The following SCN1A variants were observed in gnomAD, a reference collection of about 807,000 sequenced individuals.
The protein encoded by SCN1A is sodium channel protein type 1 subunit alpha.
A neutral mutation model predicts 193.7 loss-of-function variants in SCN1A; 13 were observed. That is an observed-to-expected ratio of 0.07 (90% CI 0.04 to 0.11). SCN1A has a LOEUF of 0.11. Ranked by LOEUF, SCN1A falls within the 10% of genes least tolerant of loss-of-function variation. SCN1A has a pLI of 1.00. For synonymous variants in SCN1A, 781 were observed against 843.6 expected, an observed-to-expected ratio of 0.93 and a Z score of 1.29; for missense variants, 1,432 against 2,451.1, an observed-to-expected ratio of 0.58 and a Z score of 8.78.
intron 2 of SCN1A, among the ~76,000 whole-genome samples, chr2:166,125,942 AG>A (rs1482179965): frequency 1.3e-5 from 2 of 152,220 alleles, no homozygotes; most frequent in African/African-American, 4.8e-5. Flanking sequence ...TATTGTTACC[AG>A]TATGAACACT....
At position 165,986,347 on chromosome 2, in the gene SCN1A, C is replaced by T. The variant is rs1460080082; in HGVS notation, c.*4898G>A. On this transcript the variant is annotated 3_prime_UTR_variant, in exon 29 of 29. Coordinates refer to ENST00000674923, the MANE Select transcript of SCN1A (RefSeq NM_001165963.4). ...CTGTGTTTGGAATTACTATTTATAC[C>T]CACAGTGTCTGGTCCCCAGCTTAAA... is the stretch of plus-strand genomic sequence containing the variant. 6.6e-6 allele frequency: 1 copy of T among 151,930 alleles called. No individual in the cohort carries two copies. Among genetic ancestry groups the T allele is most frequent in the Non-Finnish European group, 1.5e-5 (1 of 67,982 alleles). 9.4% of individuals were successfully genotyped at this position (151,930 alleles called of 1,614,324 possible).
At chr2:166,038,239 A>C in intron 17 of SCN1A, 107 bp from the exon 18 acceptor site, 1 of 904,418 alleles carries the variant, frequency 1.1e-6, no homozygotes, top group Non-Finnish European at 1.7e-6. Context: ...ACAATATCTG[A>C]TCTGCCCTAA....
intron 2 of SCN1A, among the ~76,000 whole-genome samples, chr2:166,115,436 G>A (rs1410752099): frequency 2.0e-5 from 3 of 152,066 alleles, no homozygotes; most frequent in East Asian, 1.9e-4. Context: ...CACTGAATAA[G>A]TAAAAACAGC....
At chr2:166,106,117 G>C (rs1688663928) in intron 2 of SCN1A, among the ~76,000 whole-genome samples, 1 of 152,234 alleles carries the variant, frequency 6.6e-6, no homozygotes, top group South Asian at 2.1e-4. Flanking sequence ...AACCTGGAAA[G>C]CGGAGCTTGC....
intron 2 of SCN1A, chr2:166,123,729 A>T (rs575210257): frequency 6.6e-6 from 1 of 152,282 alleles, no homozygotes; most frequent in East Asian, 1.9e-4. Context: ...AAACCTAATA[A>T]CTTGTTAACA....
At chr2:166,024,426 G>A (rs372788206) in intron 19 of SCN1A, among the ~76,000 whole-genome samples, 1 of 152,090 alleles carries the variant, frequency 6.6e-6, no homozygotes, top group South Asian at 2.1e-4. Flanking sequence ...TCTGAGATTT[G>A]TGTTAAGTAT....
At chr2:166,087,655 CT>C (rs757604881) in intron 2 of SCN1A, among the ~76,000 whole-genome samples, 2 of 151,606 alleles carry the variant, frequency 1.3e-5, no homozygotes, top group Admixed American at 6.6e-5. Flanking sequence ...AAGTAAACCT[CT>C]TTTTAAAAAA....
intron 24 of SCN1A, 28 bp from the exon 25 acceptor site, chr2:165,999,804 TTTGG>T: frequency 2.0e-6 from 3 of 1,521,222 alleles, no homozygotes; most frequent in African/African-American, 1.4e-5. Context: ...CATGTTTTAC[TTTGG>T]AGTAAAAATA....
upstream of SCN1A, chr2:166,128,051 C>CAAAAAAAAAAAAAAAAA (rs35060594): frequency 7.9e-6 from 1 of 127,186 alleles, no homozygotes. Flanking sequence ...TAGCTTGTTT[C>CAAAAAAAAAAAAAAAAA]AAAAAAAAAA....
At chr2:166,137,148 G>A (rs1215226366) in intron 1 of SCN1A, among the ~76,000 whole-genome samples, 2 of 152,150 alleles carry the variant, frequency 1.3e-5, no homozygotes, top group Admixed American at 6.5e-5. Flanking sequence ...TTTTTTCCAG[G>A]TTGGCAGTTG....
intron 9 of SCN1A, among the ~76,000 whole-genome samples, chr2:166,050,668 G>A (rs1279475028): frequency 2.4e-5 from 2 of 84,588 alleles, no homozygotes; most frequent in South Asian, 3.7e-4. Flanking sequence ...TTGTAGAGAA[G>A]GGGTCTCACT....
At chr2:166,005,389 T>C (rs1386365624) in intron 23 of SCN1A, among the ~76,000 whole-genome samples, 1 of 151,354 alleles carries the variant, frequency 6.6e-6, no homozygotes. Context: ...GCTTAGGTAA[T>C]ATGTTTGAGA....
Position 166,147,360 on chromosome 2 carries a change from C to G in SCN1A, c.-50+1687G>C, listed in dbSNP as rs1243842899. Reference sequence around the variant, plus strand: ...AAAGATATATATGGTAGAATCAAAACTAATTTAAACCTCATTTAATTCAAA... The same window carrying G: ...AAAGATATATATGGTAGAATCAAAAGTAATTTAAACCTCATTTAATTCAAA... On this transcript the variant is annotated intron_variant, in intron 1 of 26. Transcript: ENST00000635750. Among the ~76,000 whole-genome samples, 3 of 152,226 alleles carry G rather than the reference C, an allele frequency of 2.0e-5. No individual in the cohort carries two copies. In the East Asian group the frequency reaches 5.8e-4, roughly 29 times the overall value.
chr2:166,028,235 T>A (rs1695063501), intron 19 of SCN1A, among the ~76,000 whole-genome samples: 1 of 151,920 alleles, frequency 6.6e-6, no homozygotes, highest in Non-Finnish European at 1.5e-5. Flanking sequence ...CAATAGAAAA[T>A]CATGGTAATA....
intron 23 of SCN1A, among the ~76,000 whole-genome samples, chr2:166,006,010 CT>C (rs1691603097): frequency 6.6e-6 from 1 of 151,170 alleles, no homozygotes; most frequent in East Asian, 1.9e-4. Flanking sequence ...AAAAATAAGT[CT>C]ACACTAAATG....
At chr2:166,130,636 C>T (rs1490341400), upstream of SCN1A, among the ~76,000 whole-genome samples, 1 of 152,082 alleles carries the variant, frequency 6.6e-6, no homozygotes, top group African/African-American at 2.4e-5. Flanking sequence ...TCTTATGAAA[C>T]ATGGTCATTT....
chr2:166,053,621 T>G (rs1698833188), intron 7 of SCN1A, among the ~76,000 whole-genome samples: 1 of 152,028 alleles, frequency 6.6e-6, no homozygotes, highest in African/African-American at 2.4e-5. Flanking sequence ...CCTGTAGGCC[T>G]TCTTTTGAGC....
chr2:166,073,273 TA>T, intron 4 of SCN1A, 84 bp downstream of exon 4: 1 of 1,509,886 alleles, frequency 6.6e-7, no homozygotes, highest in Non-Finnish European at 9.1e-7. Flanking sequence ...GATTTTGTGC[TA>T]ATTTGGCATG....
At chr2:166,146,073 C>T (rs1692309577) in intron 1 of SCN1A, among the ~76,000 whole-genome samples, 1 of 152,054 alleles carries the variant, frequency 6.6e-6, no homozygotes, top group Non-Finnish European at 1.5e-5. Context: ...CTGTTAAAAA[C>T]TAGGGACAGA....
Sources: allele counts gnomAD v4.1 joint callset (sites outside exome capture counted in the v4.1 genomes callset), GRCh38; gene constraint gnomAD v4.1.1; transcripts MANE v1.5; gene names NCBI Gene and HGNC (gene_info 2026-07-23, HGNC 2026-07-21).